The following B4GALT5 variants were observed in gnomAD, a reference collection of about 807,000 sequenced individuals.
The protein encoded by B4GALT5 is beta-1,4-galactosyltransferase 5.
B4GALT5 carries 11 observed loss-of-function variants against 45.0 expected under a neutral mutation model. That is an observed-to-expected ratio of 0.24 (90% CI 0.15 to 0.40). The LOEUF is 0.40. Ranked by LOEUF, B4GALT5 falls within the 10% of genes least tolerant of loss-of-function variation. The probability of loss-of-function intolerance (pLI) is 1.00; values close to 1 mark genes in which losing one functional copy is unlikely to be tolerated. For missense variants in B4GALT5, 337 were observed against 500.2 expected, an observed-to-expected ratio of 0.67 and a Z score of 3.11; for synonymous variants, 185 against 182.9, an observed-to-expected ratio of 1.01 and a Z score of -0.09.
intron 1 of B4GALT5, among the ~76,000 whole-genome samples, chr20:49,707,509 A>G (rs1159674083): frequency 6.6e-6 from 1 of 151,872 alleles, no homozygotes; most frequent in Non-Finnish European, 1.5e-5. Context: ...TTTCATGTCA[A>G]GAAAAAAAAA....
chr20:49,648,861 A>C (rs7273258), intron 2 of B4GALT5, among the ~76,000 whole-genome samples: 1 of 151,988 alleles, frequency 6.6e-6, no homozygotes, highest in African/African-American at 2.4e-5. Flanking sequence ...ACAGAGCTCC[A>C]ACTAAACTCT....
chr20:49,679,826 T>C (rs1186418526), intron 1 of B4GALT5, among the ~76,000 whole-genome samples: 1 of 152,216 alleles, frequency 6.6e-6, no homozygotes, highest in Non-Finnish European at 1.5e-5. Context: ...AAAGAATGAA[T>C]AGGTTATTTA....
chr20:49,668,711 TC>T (rs1027189150), intron 1 of B4GALT5, among the ~76,000 whole-genome samples: 2 of 151,726 alleles, frequency 1.3e-5, no homozygotes, highest in African/African-American at 2.4e-5. Flanking sequence ...AAGGCTCTGC[TC>T]CCCTCACCTC....
rs148118201 is a variant in B4GALT5 at position 49,680,058 on chromosome 20, G to A, written c.116-23356C>T. Among the ~76,000 whole-genome samples the A allele has an allele frequency of 2.7e-3, 417 of 152,134 alleles. 4 individuals are homozygous for A. Among genetic ancestry groups the A allele is most frequent in the African/African-American group, 9.5e-3 (394 of 41,512 alleles). On this transcript the variant is annotated intron_variant, in intron 1 of 8. Transcript: ENST00000371711. Reference sequence around the variant, plus strand: ...CTACCTTTAAACTGTCCCTTTTTCAGGTTTTCTATCTATTTCAAATGAGAC... The same window carrying A: ...CTACCTTTAAACTGTCCCTTTTTCAAGTTTTCTATCTATTTCAAATGAGAC...
chr20:49,702,909 C>G (rs1049743186), intron 1 of B4GALT5, among the ~76,000 whole-genome samples: 12 of 151,624 alleles, frequency 7.9e-5, no homozygotes, highest in African/African-American at 2.9e-4. Flanking sequence ...CGCGGTGGCT[C>G]ACGCCTGTAA....
chr20:49,654,951 C>T (rs2085636118), intron 2 of B4GALT5, among the ~76,000 whole-genome samples: 1 of 151,822 alleles, frequency 6.6e-6, no homozygotes, highest in Non-Finnish European at 1.5e-5. Flanking sequence ...ACAAAAAATA[C>T]AAAAATTAGC....
At chr20:49,664,064 AG>A (rs1230045741) in intron 1 of B4GALT5, among the ~76,000 whole-genome samples, 1 of 152,150 alleles carries the variant, frequency 6.6e-6, no homozygotes, top group African/African-American at 2.4e-5. Context: ...GCTGCATAAG[AG>A]GAAGATCTAG....
At chr20:49,649,890 A>G (rs954058553) in intron 2 of B4GALT5, among the ~76,000 whole-genome samples, 5 of 152,236 alleles carry the variant, frequency 3.3e-5, no homozygotes, top group Non-Finnish European at 7.3e-5. Flanking sequence ...GTATTGGCAC[A>G]GTCAATACAT....
intron 1 of B4GALT5, among the ~76,000 whole-genome samples, chr20:49,706,854 T>C (rs1055027715): frequency 6.6e-6 from 1 of 152,216 alleles, no homozygotes; most frequent in Non-Finnish European, 1.5e-5. Flanking sequence ...CCTTATGTGA[T>C]TAGATGTGCC....
chr20:49,643,634 T>G lies in B4GALT5; in HGVS notation c.381A>C (p.Ile127=). The change falls in exon 4 of 9, where the codon ATA becomes ATC. Residue 127 remains isoleucine (I), a synonymous_variant. Coordinates refer to ENST00000371711, the MANE Select transcript of B4GALT5 (RefSeq NM_004776.4). ...RLPSMKGPID[I]NMSEIGMDYI... The stretch of plus-strand genomic sequence containing the variant: ...AATCCATTCCAATTTCACTCATGTT[T>G]ATGTCTATTGGGCCCTCTGAACAGA... 6.2e-7 allele frequency: 1 copy of G among 1,613,992 alleles called. No individual in the cohort carries two copies. Among genetic ancestry groups the G allele is most frequent in the Admixed American group, 1.7e-5 (1 of 60,010 alleles).
intron 1 of B4GALT5, among the ~76,000 whole-genome samples, chr20:49,680,330 A>C (rs1057479335): frequency 2.0e-5 from 3 of 152,222 alleles, no homozygotes; most frequent in African/African-American, 7.2e-5. Context: ...CCTGTCAGAA[A>C]TAAGACTCGA....
chr20:49,661,009 T>C (rs1353976773), intron 1 of B4GALT5, among the ~76,000 whole-genome samples: 4 of 152,210 alleles, frequency 2.6e-5, no homozygotes, highest in Non-Finnish European at 4.4e-5. Flanking sequence ...GCCATGGCTC[T>C]GGCCTAAAGT....
rs1405132355 is a variant in B4GALT5 at position 49,689,834 on chromosome 20, C to T, written c.115+23742G>A. ...AATCACTCCTGAAAGGTTTCCCAAG[C>T]CCCTTTCCAGTCAATCCCTACCCTT... is the stretch of plus-strand genomic sequence containing the variant. On this transcript the variant is annotated intron_variant, in intron 1 of 8. Coordinates refer to ENST00000371711, the MANE Select transcript of B4GALT5 (RefSeq NM_004776.4). 2.0e-5 allele frequency among the ~76,000 whole-genome samples: 3 copies of T among 152,134 alleles called. No individual in the cohort carries two copies. In the East Asian group the frequency reaches 5.8e-4, roughly 29 times the overall value.
chr20:49,679,124 T>C (rs1051866285), intron 1 of B4GALT5, among the ~76,000 whole-genome samples: 2 of 152,174 alleles, frequency 1.3e-5, no homozygotes, highest in Non-Finnish European at 2.9e-5. Context: ...GCAGAACTGC[T>C]GGGATGACTC....
intron 1 of B4GALT5, among the ~76,000 whole-genome samples, chr20:49,661,206 G>A (rs1166722253): frequency 2.0e-5 from 3 of 152,132 alleles, no homozygotes; most frequent in Non-Finnish European, 4.4e-5. Context: ...CTGAGTTGCT[G>A]CATATATTTT....
intron 5 of B4GALT5, among the ~76,000 whole-genome samples, chr20:49,641,211 CT>C (rs1368944205): frequency 6.6e-6 from 1 of 152,200 alleles, no homozygotes; most frequent in African/African-American, 2.4e-5. Flanking sequence ...CCCAAGGCTA[CT>C]GAAGGCAGAA....
chr20:49,637,317 G>A, intron 8 of B4GALT5, 24 bp downstream of exon 8: 2 of 1,582,348 alleles, frequency 1.3e-6, no homozygotes, highest in Non-Finnish European at 1.7e-6. Flanking sequence ...ATACTTCTAA[G>A]AGACAGAGAT....
intron 1 of B4GALT5, among the ~76,000 whole-genome samples, chr20:49,701,812 T>C (rs2085863148): frequency 6.6e-6 from 1 of 152,140 alleles, no homozygotes; most frequent in South Asian, 2.1e-4. Flanking sequence ...TGGTGGCTCA[T>C]GCCTGTAATC....
At chr20:49,712,247 T>C (rs1226550470) in intron 1 of B4GALT5, among the ~76,000 whole-genome samples, 1 of 152,214 alleles carries the variant, frequency 6.6e-6, no homozygotes, top group Non-Finnish European at 1.5e-5. Context: ...TCTACTTCCA[T>C]CCTTAACACT....
Sources: allele counts gnomAD v4.1 joint callset (sites outside exome capture counted in the v4.1 genomes callset), GRCh38; gene constraint gnomAD v4.1.1; transcripts MANE v1.5; gene names NCBI Gene and HGNC (gene_info 2026-07-23, HGNC 2026-07-21).